The following KICS2 variants were observed in gnomAD, a reference collection of about 807,000 sequenced individuals.
KICS2 encodes the protein KICSTOR complex protein C12orf66.
In KICS2, 13 loss-of-function variants were observed where a neutral mutation model predicts 31.4. The observed-to-expected ratio is 0.41, with a 90% CI of 0.27 to 0.66. The LOEUF is 0.66. Among genes scored for constraint, KICS2 ranks in the 30% least tolerant of loss-of-function variants. The pLI is 0.28. For missense variants in KICS2, 455 were observed against 545.4 expected (o/e 0.83, Z 1.65); for synonymous variants, 209 against 214.8 (o/e 0.97, Z 0.24).
chr12:64,215,542 G>A, intron 2 of KICS2, 136 bp downstream of exon 2: 1 of 819,348 alleles, frequency 1.2e-6, no homozygotes, highest in Non-Finnish European at 1.9e-6. Context: ...TAATGAATAT[G>A]TATAAAATGT....
chr12:64,200,893 A>C (rs11175280), intron 2 of KICS2, among the ~76,000 whole-genome samples: 29 of 83,842 alleles, frequency 3.5e-4, no homozygotes, highest in Non-Finnish European at 4.1e-4. Flanking sequence ...TGCAAATCAA[A>C]ACCACAATGA....
At chr12:64,187,540 C>T (rs1028159719), downstream of KICS2, 9 of 1,219,432 alleles carry the variant, frequency 7.4e-6, no homozygotes, top group African/African-American at 6.0e-5. Flanking sequence ...AGAGAAGTCT[C>T]CAAAGGCAGA....
chr12:64,201,817 C>T (rs1055732030), intron 2 of KICS2, among the ~76,000 whole-genome samples: 3 of 150,704 alleles, frequency 2.0e-5, no homozygotes. Flanking sequence ...CACTAAACTC[C>T]AGCCTGGGTG....
intron 2 of KICS2, among the ~76,000 whole-genome samples, chr12:64,214,291 A>C (rs2037608112): frequency 6.6e-6 from 1 of 152,214 alleles, no homozygotes; most frequent in Non-Finnish European, 1.5e-5. Flanking sequence ...CTAGTTTTTG[A>C]GAAAAGGAAA....
rs772901854 is a variant in KICS2 at position 64,194,221 on chromosome 12, C to G, written c.959G>C (p.Arg320Thr). The change falls in exon 3 of 3, where the codon AGA becomes ACA. Residue 320 changes from arginine to threonine, a missense_variant. Physicochemically the swap from Arg to Thr is moderately conservative, Grantham distance 71. Coordinates refer to ENST00000398055, the MANE Select transcript of KICS2 (RefSeq NM_152440.5). ...ATGACCCTGAAAACTCTCAGAACCTCTGTTGTCAAAAATTAAGGACACATT... is the reference window on the plus strand; with the variant it reads ...ATGACCCTGAAAACTCTCAGAACCTGTGTTGTCAAAAATTAAGGACACATT... ...AANVSLIFDN[R>T]GSESFQGHGY... 1 of 1,614,040 alleles carries G rather than the reference C, an allele frequency of 6.2e-7. No individual in the cohort carries two copies. Among genetic ancestry groups the G allele is most frequent in the Non-Finnish European group, 8.5e-7 (1 of 1,180,044 alleles).
downstream of KICS2, chr12:64,186,911 G>A (rs2037343322): frequency 6.6e-6 from 1 of 152,160 alleles, no homozygotes; most frequent in African/African-American, 2.4e-5. Flanking sequence ...TCTGCTTCAG[G>A]GACTGCTCTG....
chr12:64,186,749 G>A (rs920983630), downstream of KICS2: 8 of 152,128 alleles, frequency 5.3e-5, no homozygotes, highest in East Asian at 1.9e-4. Flanking sequence ...CTGGCCACCC[G>A]GGTGGCTGGG....
chr12:64,203,665 G>GA (rs900018399), intron 2 of KICS2, among the ~76,000 whole-genome samples: 70 of 146,348 alleles, frequency 4.8e-4, no homozygotes, highest in African/African-American at 1.5e-3. Flanking sequence ...TAAACAATTA[G>GA]AAAAAAAAAA....
At chr12:64,188,230 T>C (rs116508735), downstream of KICS2, among the ~76,000 whole-genome samples, 355 of 152,088 alleles carry the variant, frequency 2.3e-3, 1 homozygote, top group African/African-American at 8.2e-3. Flanking sequence ...GAAACTAAGG[T>C]AAGAGAGGAT....
chr12:64,190,035 G>C (rs1052744812), downstream of KICS2, among the ~76,000 whole-genome samples: 56 of 152,080 alleles, frequency 3.7e-4, no homozygotes, highest in Admixed American at 1.4e-3. Flanking sequence ...AAAAATTTGG[G>C]AACAAAAAAC....
intron 2 of KICS2, among the ~76,000 whole-genome samples, chr12:64,196,295 GACCC>G (rs2037437050): frequency 6.6e-6 from 1 of 151,462 alleles, no homozygotes; most frequent in Non-Finnish European, 1.5e-5. Flanking sequence ...CCTGACCCCT[GACCC>G]CCGAGCAGCC....
chr12:64,194,739 A>C, intron 2 of KICS2, 81 bp from the exon 3 acceptor site: 1 of 1,469,292 alleles, frequency 6.8e-7, no homozygotes, highest in East Asian at 2.4e-5. Context: ...ACAAAGCAAC[A>C]AAATGGCCAA....
At chr12:64,218,137 C>T (rs951663937) in intron 1 of KICS2, among the ~76,000 whole-genome samples, 2 of 152,168 alleles carry the variant, frequency 1.3e-5, no homozygotes, top group East Asian at 1.9e-4. Context: ...ATATCTCATA[C>T]GGAACTGTTC....
chr12:64,217,702 G>A (rs930181045), intron 1 of KICS2, among the ~76,000 whole-genome samples: 1 of 152,134 alleles, frequency 6.6e-6, no homozygotes, highest in African/African-American at 2.4e-5. Flanking sequence ...TCGGGAGGCT[G>A]AGGTAGGAGA....
intron 2 of KICS2, among the ~76,000 whole-genome samples, chr12:64,207,000 T>C (rs2037544459): frequency 1.3e-5 from 2 of 151,932 alleles, no homozygotes; most frequent in South Asian, 4.2e-4. Flanking sequence ...ACTGGATACA[T>C]AAAAAAAGTT....
At chr12:64,216,581 T>C (rs1355679091) in intron 1 of KICS2, among the ~76,000 whole-genome samples, 2 of 151,976 alleles carry the variant, frequency 1.3e-5, no homozygotes, top group African/African-American at 4.8e-5. Context: ...ATAAAGAAAA[T>C]CTTAGCACTC....
At chr12:64,189,534 C>T (rs536920037), downstream of KICS2, among the ~76,000 whole-genome samples, 4 of 152,274 alleles carry the variant, frequency 2.6e-5, no homozygotes, top group South Asian at 4.1e-4. Flanking sequence ...AAACCTTACA[C>T]GAGAAGTAAA....
intron 2 of KICS2, among the ~76,000 whole-genome samples, chr12:64,211,830 A>G (rs1021676121): frequency 6.6e-6 from 1 of 152,230 alleles, no homozygotes; most frequent in East Asian, 1.9e-4. Context: ...AGCAACTATA[A>G]AGAACATTTT....
intron 1 of KICS2, among the ~76,000 whole-genome samples, chr12:64,218,332 A>C (rs1479776049): frequency 1.3e-5 from 2 of 152,198 alleles, no homozygotes; most frequent in African/African-American, 4.8e-5. Context: ...CTTGGTTTCA[A>C]ACCCCAGCTC....
Sources: gnomAD v4.1 joint callset for allele counts (sites outside exome capture counted in the v4.1 genomes callset) on GRCh38, gnomAD v4.1.1 for gene constraint, MANE v1.5 for transcripts, NCBI Gene and HGNC (gene_info 2026-07-23, HGNC 2026-07-21) for gene names.